Variants in PPFIA2 observed in about 807,000 individuals in gnomAD.
PPFIA2 encodes PPFI scaffold protein A2, also known as liprin-alpha-2.
In PPFIA2, 46 loss-of-function variants were observed where a neutral mutation model predicts 175.5. That is an observed-to-expected ratio of 0.26 (90% CI 0.21 to 0.34). PPFIA2 has a LOEUF of 0.34. PPFIA2 is among the 10% of genes least tolerant of loss of function. The pLI, the probability that PPFIA2 is intolerant of heterozygous loss-of-function variation, is 1.00. For missense variants in PPFIA2, 1,179 were observed against 1,506.1 expected (o/e 0.78, Z 3.60); for synonymous variants, 568 against 511.4 (o/e 1.11, Z -1.49).
chr12:81,392,501 C>A (rs900274879), intron 8 of PPFIA2, among the ~76,000 whole-genome samples: 2 of 151,754 alleles, frequency 1.3e-5, no homozygotes, highest in Non-Finnish European at 2.9e-5. Context: ...AGTAGGGGGT[C>A]GTCAAAGATG....
At position 81,352,993 on chromosome 12, in the gene PPFIA2, G is replaced by A. The variant is rs1234292426; in HGVS notation, c.1994+126C>T. On this transcript the variant is annotated intron_variant, in intron 17 of 32. Transcript: ENST00000549396. ...TCTGATTCAGTGTGTACGGGGTGAG[G>A]TCTGAGATTCTGCAGATCTATTAAG... 2.9e-5 allele frequency: 22 copies of A among 752,776 alleles called. No individual in the cohort carries two copies. The East Asian group carries it at 5.3e-4, about 18-fold the overall frequency. The allele number at this position is 752,776 out of a possible 1,614,324, so 46.6% of individuals were successfully genotyped here.
chr12:81,291,468 C>A (rs1435955849), intron 24 of PPFIA2, among the ~76,000 whole-genome samples: 1 of 151,838 alleles, frequency 6.6e-6, no homozygotes, highest in Non-Finnish European at 1.5e-5. Flanking sequence ...TTTCTGATCT[C>A]AAGGCCACAC....
At chr12:81,530,829 T>A (rs2064432559) in intron 4 of PPFIA2, among the ~76,000 whole-genome samples, 2 of 151,862 alleles carry the variant, frequency 1.3e-5, no homozygotes, top group African/African-American at 4.8e-5. Flanking sequence ...GTATTTGCAA[T>A]GTTTTAGACA....
rs528778639 is a variant in PPFIA2 at position 81,389,821 on chromosome 12, C to T, written c.763-5577G>A. 2.0e-4 allele frequency among the ~76,000 whole-genome samples: 31 copies of T among 152,120 alleles called. No homozygotes were observed. The East Asian group carries it at 4.1e-3, about 20-fold the overall frequency. ...GGGATATAATTTACACGCCATAAAA[C>T]GCACCCTTTAAACATAAAAAGTTCA... On this transcript the variant is annotated intron_variant, in intron 8 of 32. Transcript: ENST00000549396.
At chr12:81,660,689 A>G (rs2068669348) in intron 4 of PPFIA2, among the ~76,000 whole-genome samples, 1 of 152,180 alleles carries the variant, frequency 6.6e-6, no homozygotes, top group Non-Finnish European at 1.5e-5. Context: ...TTCAGGAAAT[A>G]CAGAGAACGC....
chr12:81,717,557 G>A (rs916007945), intron 3 of PPFIA2, among the ~76,000 whole-genome samples: 10 of 151,678 alleles, frequency 6.6e-5, no homozygotes, highest in Non-Finnish European at 1.5e-4. Flanking sequence ...TCTTCACCCA[G>A]AAGCATAATG....
chr12:81,261,810 T>C, intron 32 of PPFIA2, 139 bp downstream of exon 32: 3 of 570,232 alleles, frequency 5.3e-6, no homozygotes, highest in South Asian at 2.4e-5. Context: ...GATTTCTTTT[T>C]CCCCTGAAGC....
intron 4 of PPFIA2, among the ~76,000 whole-genome samples, chr12:81,487,656 T>A (rs1466024818): frequency 6.6e-6 from 1 of 151,764 alleles, no homozygotes; most frequent in African/African-American, 2.4e-5. Flanking sequence ...ATGGCTGATA[T>A]CTCACACCCA....
intron 3 of PPFIA2, among the ~76,000 whole-genome samples, chr12:81,687,922 A>G (rs1027224471): frequency 6.6e-6 from 1 of 152,028 alleles, no homozygotes; most frequent in Admixed American, 6.6e-5. Context: ...TTACATAAAG[A>G]TATATGTTAA....
intron 27 of PPFIA2, among the ~76,000 whole-genome samples, 179 bp downstream of exon 27, chr12:81,281,078 T>C (rs1251823302): frequency 6.6e-6 from 1 of 152,040 alleles, no homozygotes; most frequent in Admixed American, 6.6e-5. Context: ...AGCTCTAAAT[T>C]AGAAAGTCCC....
intron 4 of PPFIA2, among the ~76,000 whole-genome samples, chr12:81,585,579 T>C (rs1256707252): frequency 6.6e-6 from 1 of 151,840 alleles, no homozygotes; most frequent in Admixed American, 6.6e-5. Context: ...AGGCTCATGA[T>C]CATCACCACC....
At chr12:81,280,227 T>A (rs2041750118) in intron 27 of PPFIA2, among the ~76,000 whole-genome samples, 1 of 152,164 alleles carries the variant, frequency 6.6e-6, no homozygotes, top group South Asian at 2.1e-4. Flanking sequence ...GTGCTAAGGA[T>A]AAATTCCTTA....
intron 3 of PPFIA2, among the ~76,000 whole-genome samples, chr12:81,726,673 C>CCAAAA (rs78064779): frequency 0.19 from 29,162 of 150,826 alleles, 3,379 homozygotes; most frequent in East Asian, 0.31. Flanking sequence ...CCACTAAGTA[C>CCAAAA]CAAAACAAAA....
intron 7 of PPFIA2, among the ~76,000 whole-genome samples, chr12:81,420,677 A>G (rs2046081597): frequency 1.3e-5 from 2 of 152,046 alleles, no homozygotes; most frequent in Non-Finnish European, 2.9e-5. Context: ...ATGGAACACC[A>G]TCAAGTGGGC....
At chr12:81,571,338 A>T (rs1193057559) in intron 4 of PPFIA2, among the ~76,000 whole-genome samples, 1 of 152,118 alleles carries the variant, frequency 6.6e-6, no homozygotes, top group African/African-American at 2.4e-5. Context: ...AGTAACTAGT[A>T]AACAAAAACA....
At chr12:81,267,728 ATTTTTTT>A (rs137975780) in intron 29 of PPFIA2, among the ~76,000 whole-genome samples, 177 bp downstream of exon 29, 13 of 77,762 alleles carry the variant, frequency 1.7e-4, no homozygotes, top group Admixed American at 2.8e-4. Context: ...TAATTGTATG[ATTTTTTT>A]TTTTTTTTTT....
At chr12:81,405,294 A>T (rs551935503) in intron 8 of PPFIA2, among the ~76,000 whole-genome samples, 3 of 152,188 alleles carry the variant, frequency 2.0e-5, no homozygotes, top group Non-Finnish European at 2.9e-5. Context: ...TGCAAGAAAA[A>T]TACTAATCAA....
intron 4 of PPFIA2, among the ~76,000 whole-genome samples, chr12:81,616,786 A>G (rs984333566): frequency 6.6e-6 from 1 of 152,214 alleles, no homozygotes; most frequent in African/African-American, 2.4e-5. Context: ...TTCCTTTAAT[A>G]TCAAAAGGGC....
At chr12:81,419,982 G>A (rs2045962646) in intron 7 of PPFIA2, among the ~76,000 whole-genome samples, 1 of 152,138 alleles carries the variant, frequency 6.6e-6, no homozygotes, top group Non-Finnish European at 1.5e-5. Flanking sequence ...TGGGGACCCT[G>A]CAAGTCATTG....
Sources: allele counts gnomAD v4.1 joint callset (sites outside exome capture counted in the v4.1 genomes callset), GRCh38; gene constraint gnomAD v4.1.1; transcripts MANE v1.5; gene names NCBI Gene and HGNC (gene_info 2026-07-23, HGNC 2026-07-21).